Variants in MAP4K4 observed in about 807,000 individuals in gnomAD.
The protein encoded by MAP4K4 is mitogen-activated protein kinase kinase kinase kinase 4.
Under a neutral mutation model 189.6 loss-of-function variants are expected in MAP4K4, and 38 were observed. The ratio of observed to expected loss-of-function variants is 0.20; its 90% CI spans 0.15 to 0.26. The LOEUF (loss-of-function observed/expected upper bound fraction) is 0.26. MAP4K4 is among the 10% of genes least tolerant of loss of function. The pLI, the probability that MAP4K4 is intolerant of heterozygous loss-of-function variation, is 1.00. For synonymous variants in MAP4K4, 610 were observed against 624.3 expected, an observed-to-expected ratio of 0.98 and a Z score of 0.34; for missense variants, 1,054 against 1,726.9, an observed-to-expected ratio of 0.61 and a Z score of 6.91.
At chr2:101,849,266 G>T (rs1230068297) in intron 12 of MAP4K4, among the ~76,000 whole-genome samples, 1 of 152,046 alleles carries the variant, frequency 6.6e-6, no homozygotes, top group Admixed American at 6.6e-5. Context: ...GGGTCTACAG[G>T]CATGCACCAG....
chr2:101,889,613 G>A (rs2098536896), intron 32 of MAP4K4, among the ~76,000 whole-genome samples: 2 of 152,084 alleles, frequency 1.3e-5, no homozygotes, highest in Non-Finnish European at 2.9e-5. Context: ...AGAAGGCATC[G>A]AGGGTGGAAC....
intron 2 of MAP4K4, among the ~76,000 whole-genome samples, chr2:101,773,705 T>C (rs1282032111): frequency 6.6e-6 from 1 of 152,102 alleles, no homozygotes; most frequent in Non-Finnish European, 1.5e-5. Context: ...TCTAACTATC[T>C]TTTTTGTACC....
chr2:101,758,620 T>G (rs2150103281), intron 2 of MAP4K4, among the ~76,000 whole-genome samples: 1 of 152,282 alleles, frequency 6.6e-6, no homozygotes, highest in South Asian at 2.1e-4. Context: ...GTATGAAATT[T>G]AGGCTTCCCA....
chr2:101,773,043 G>A (rs937791724), intron 2 of MAP4K4, among the ~76,000 whole-genome samples: 1 of 152,178 alleles, frequency 6.6e-6, no homozygotes, highest in African/African-American at 2.4e-5. Flanking sequence ...CCTTGTAAAT[G>A]CTGCTGACTG....
At chr2:101,835,055 C>T (rs986820513) in intron 8 of MAP4K4, among the ~76,000 whole-genome samples, 4 of 152,184 alleles carry the variant, frequency 2.6e-5, no homozygotes, top group Admixed American at 6.5e-5. Flanking sequence ...CTGTCTGGCA[C>T]GGCACATAGT....
chr2:101,701,540 C>G (rs548317694), intron 2 of MAP4K4, among the ~76,000 whole-genome samples: 2 of 152,170 alleles, frequency 1.3e-5, no homozygotes, highest in South Asian at 2.1e-4. Context: ...GGGACTTGAT[C>G]CAGTTTTTTG....
intron 3 of MAP4K4, among the ~76,000 whole-genome samples, chr2:101,815,161 T>C (rs928145085): frequency 2.0e-5 from 3 of 152,258 alleles, no homozygotes; most frequent in Admixed American, 1.3e-4. Context: ...AACATCATTT[T>C]TGTAGACAGT....
intron 2 of MAP4K4, among the ~76,000 whole-genome samples, chr2:101,740,111 C>T (rs1296841624): frequency 6.6e-6 from 1 of 151,192 alleles, no homozygotes; most frequent in Non-Finnish European, 1.5e-5. Context: ...TTCAACACAA[C>T]ATCTGTCGCT....
intron 2 of MAP4K4, among the ~76,000 whole-genome samples, chr2:101,731,772 T>G (rs1574453944): frequency 6.8e-6 from 1 of 147,292 alleles, no homozygotes. Flanking sequence ...AAAAAAAAGA[T>G]GGAGGGGAGG....
Position 101,887,073 on chromosome 2 carries a change from A to T in MAP4K4, c.3622-15A>T. 6.8e-7 allele frequency: 1 copy of T among 1,474,984 alleles called. No individual in the cohort carries two copies. Among genetic ancestry groups the T allele is most frequent in the Non-Finnish European group, 9.1e-7 (1 of 1,096,280 alleles). The allele number at this position is 1,474,984 out of a possible 1,614,324, so 91.4% of individuals were successfully genotyped here. On this transcript the variant is annotated splice_polypyrimidine_tract_variant and intron_variant, in intron 29 of 32. Transcript: ENST00000324219. The stretch of plus-strand genomic sequence containing the variant: ...TCTCCTTCATCTTCTCACTTCTCTT[A>T]TGGCTTCTTTGCAGTCATTTGGAGA...
At chr2:101,823,269 A>C (rs929232569) in intron 3 of MAP4K4, among the ~76,000 whole-genome samples, 2 of 152,158 alleles carry the variant, frequency 1.3e-5, no homozygotes, top group African/African-American at 4.8e-5. Context: ...ATCTTATTTC[A>C]ATAAACCAAG....
At chr2:101,806,420 G>T (rs2149070301) in intron 3 of MAP4K4, among the ~76,000 whole-genome samples, 1 of 145,782 alleles carries the variant, frequency 6.9e-6, no homozygotes, top group African/African-American at 2.6e-5. Context: ...CTGTCACCCA[G>T]GCTGGAGTGC....
intron 2 of MAP4K4, among the ~76,000 whole-genome samples, chr2:101,708,823 T>C (rs1334388519): frequency 2.0e-5 from 3 of 152,226 alleles, no homozygotes; most frequent in Non-Finnish European, 4.4e-5. Flanking sequence ...AGTATTAATT[T>C]GCCTTTTTTG....
At chr2:101,827,570 A>G (rs1291856267) in intron 5 of MAP4K4, among the ~76,000 whole-genome samples, 4 of 152,098 alleles carry the variant, frequency 2.6e-5, no homozygotes, top group Non-Finnish European at 4.4e-5. Context: ...TAGATGTTGG[A>G]TTTAGACATC....
At chr2:101,770,485 C>T (rs544369789) in intron 2 of MAP4K4, among the ~76,000 whole-genome samples, 1 of 152,260 alleles carries the variant, frequency 6.6e-6, no homozygotes, top group South Asian at 2.1e-4. Flanking sequence ...CCATGTTGGG[C>T]AGGCTGGTCT....
chr2:101,818,707 A>G (rs553670697), intron 3 of MAP4K4, among the ~76,000 whole-genome samples: 103 of 152,274 alleles, frequency 6.8e-4, no homozygotes, highest in African/African-American at 2.4e-3. Flanking sequence ...GAAAATTACT[A>G]CTATGCAGAT....
At chr2:101,745,557 G>A (rs73943760) in intron 2 of MAP4K4, among the ~76,000 whole-genome samples, 3 of 151,568 alleles carry the variant, frequency 2.0e-5, no homozygotes, top group African/African-American at 7.3e-5. Context: ...TATTGTATGT[G>A]TAACTCTGAT....
chr2:101,755,498 A>C (rs1013820261), intron 2 of MAP4K4, among the ~76,000 whole-genome samples: 3 of 152,318 alleles, frequency 2.0e-5, no homozygotes, highest in Non-Finnish European at 4.4e-5. Context: ...TGTTGAAGGA[A>C]CAGAAACTCC....
At chr2:101,768,038 A>AT (rs2079438198) in intron 2 of MAP4K4, among the ~76,000 whole-genome samples, 1 of 151,838 alleles carries the variant, frequency 6.6e-6, no homozygotes, top group Admixed American at 6.6e-5. Flanking sequence ...GATTTTCTTT[A>AT]TTTTTTCTTC....
Sources: gnomAD v4.1 joint callset for allele counts (sites outside exome capture counted in the v4.1 genomes callset) on GRCh38, gnomAD v4.1.1 for gene constraint, MANE v1.5 for transcripts, NCBI Gene and HGNC (gene_info 2026-07-23, HGNC 2026-07-21) for gene names.